Variants in KAZN observed in about 807,000 individuals in gnomAD.
KAZN encodes the protein kazrin.
A neutral mutation model predicts 87.4 loss-of-function variants in KAZN; 40 were observed. The ratio of observed to expected loss-of-function variants is 0.46; its 90% CI spans 0.36 to 0.60. The LOEUF (loss-of-function observed/expected upper bound fraction) is 0.60. KAZN is among the 20% of genes least tolerant of loss of function. The pLI, the probability that KAZN is intolerant of heterozygous loss-of-function variation, is 0.00. For missense variants in KAZN, 898 were observed against 1,073.9 expected (o/e 0.84, Z 2.29); for synonymous variants, 466 against 458.3 (o/e 1.02, Z -0.22).
At chr1:14,351,603 G>T (rs1053177018) in intron 2 of KAZN, among the ~76,000 whole-genome samples, 1 of 152,048 alleles carries the variant, frequency 6.6e-6, no homozygotes, top group Non-Finnish European at 1.5e-5. Context: ...CCAAAGACTT[G>T]GTCATTATAA....
chr1:14,620,721 A>G (rs1322077682), intron 1 of KAZN, among the ~76,000 whole-genome samples: 3 of 152,220 alleles, frequency 2.0e-5, no homozygotes, highest in Non-Finnish European at 4.4e-5. Context: ...GAGCCCTGCC[A>G]CTACTATAAT....
intron 1 of KAZN, among the ~76,000 whole-genome samples, chr1:14,074,997 C>T (rs1260165894): frequency 1.3e-5 from 2 of 152,062 alleles, no homozygotes; most frequent in Non-Finnish European, 2.9e-5. Context: ...AGAGGAAATA[C>T]TTTTAGATCT....
chr1:14,763,428 G>T (rs1468869095), intron 1 of KAZN, among the ~76,000 whole-genome samples: 2 of 152,204 alleles, frequency 1.3e-5, no homozygotes, highest in African/African-American at 4.8e-5. Context: ...TGAGGATAAA[G>T]CGAGCACCTA....
chr1:14,698,412 G>A (rs998305102), intron 1 of KAZN, among the ~76,000 whole-genome samples: 3 of 152,188 alleles, frequency 2.0e-5, no homozygotes, highest in Non-Finnish European at 4.4e-5. Flanking sequence ...TCTGGCCCTC[G>A]GCCGTGAGCC....
At chr1:14,008,455 T>C (rs988329462) in intron 1 of KAZN, among the ~76,000 whole-genome samples, 1 of 152,220 alleles carries the variant, frequency 6.6e-6, no homozygotes, top group Non-Finnish European at 1.5e-5. Flanking sequence ...ACATGGATTA[T>C]CTGTTCATTT....
chr1:14,084,163 C>T (rs570362851), intron 1 of KAZN, among the ~76,000 whole-genome samples: 17 of 152,170 alleles, frequency 1.1e-4, no homozygotes, highest in South Asian at 2.1e-4. Context: ...TGGAGAGAAG[C>T]GGGAAGGTCT....
At chr1:14,855,170 C>A (rs1248283686) in intron 1 of KAZN, among the ~76,000 whole-genome samples, 1 of 152,190 alleles carries the variant, frequency 6.6e-6, no homozygotes, top group Non-Finnish European at 1.5e-5. Flanking sequence ...CCGTTTCCAA[C>A]CTGCTAAACT....
intron 2 of KAZN, among the ~76,000 whole-genome samples, chr1:14,247,973 C>T (rs960727945): frequency 1.1e-4 from 16 of 152,134 alleles, no homozygotes; most frequent in East Asian, 1.9e-4. Flanking sequence ...CCTAATTAGG[C>T]GTGAACTCTA....
Position 14,123,284 on chromosome 1 carries a change from C to A in KAZN, c.92-57151C>A, listed in dbSNP as rs183901041. ...ACTTTTTTTTTAAGCTGCATTCATG[C>A]TGTGTTGAGGTCACAGATTTTAACC... On this transcript the variant is annotated intron_variant, in intron 1 of 16. Coordinates refer to the KAZN transcript ENST00000636203. Among the ~76,000 whole-genome samples the A allele has an allele frequency of 2.6e-5, 4 of 152,244 alleles. No individual in the cohort carries two copies. In the East Asian group the frequency reaches 7.7e-4, roughly 29 times the overall value.
intron 10 of KAZN, among the ~76,000 whole-genome samples, chr1:15,098,654 G>A (rs984878717): frequency 6.6e-6 from 1 of 152,246 alleles, no homozygotes; most frequent in Non-Finnish European, 1.5e-5. Flanking sequence ...GAACCGTCCT[G>A]TAACAAGGCT....
intron 2 of KAZN, among the ~76,000 whole-genome samples, chr1:14,532,702 G>A (rs996443486): frequency 1.4e-5 from 2 of 140,738 alleles, no homozygotes; most frequent in African/African-American, 5.4e-5. Flanking sequence ...TCCTACCTAT[G>A]AGTGAGAACA....
chr1:14,575,450 T>C (rs1269290693), intron 2 of KAZN, among the ~76,000 whole-genome samples: 1 of 152,126 alleles, frequency 6.6e-6, no homozygotes, highest in African/African-American at 2.4e-5. Context: ...ACTTATTCAC[T>C]ACCATGAGAA....
At chr1:14,532,740 G>C (rs540030456) in intron 2 of KAZN, among the ~76,000 whole-genome samples, 2 of 150,262 alleles carry the variant, frequency 1.3e-5, no homozygotes, top group African/African-American at 4.9e-5. Flanking sequence ...TTGTCCTTGT[G>C]ATAGTTTGCT....
intron 2 of KAZN, among the ~76,000 whole-genome samples, chr1:14,311,045 C>T (rs1258772224): frequency 6.6e-6 from 1 of 152,194 alleles, no homozygotes; most frequent in Non-Finnish European, 1.5e-5. Context: ...CATTCTGTCA[C>T]TCAGTAAATA....
intron 1 of KAZN, among the ~76,000 whole-genome samples, chr1:14,772,903 G>T (rs895117146): frequency 3.9e-5 from 6 of 152,018 alleles, no homozygotes; most frequent in African/African-American, 1.5e-4. Context: ...CACCACATTG[G>T]CCTTCTGTGT....
chr1:13,967,574 C>T (rs1004684239), intron 1 of KAZN, among the ~76,000 whole-genome samples: 2 of 152,218 alleles, frequency 1.3e-5, no homozygotes, highest in African/African-American at 4.8e-5. Context: ...GACCACTGCA[C>T]TTCACTCCCC....
intron 1 of KAZN, among the ~76,000 whole-genome samples, chr1:14,731,102 T>C (rs1440466163): frequency 6.6e-6 from 1 of 152,182 alleles, no homozygotes; most frequent in Admixed American, 6.5e-5. Flanking sequence ...TAAAACAAAA[T>C]GGGGCTCTGG....
In KAZN at chr1:14,425,766, A is replaced by T. The variant is rs527548003; in HGVS notation, c.250-173217A>T. On this transcript the variant is annotated intron_variant, in intron 2 of 16. Coordinates refer to the KAZN transcript ENST00000636203. The stretch of plus-strand genomic sequence containing the variant: ...TCCCAGTGGCCCTGGTGAGGGGGAC[A>T]TTATTTGTCCCATTTTATAGGTAAG... Among the ~76,000 whole-genome samples, 7 of 152,256 alleles carry T rather than the reference A, an allele frequency of 4.6e-5. No homozygotes were observed. In the South Asian group the frequency reaches 1.4e-3, roughly 32 times the overall value.
chr1:14,866,701 T>G (rs1203327121), intron 1 of KAZN, among the ~76,000 whole-genome samples: 2 of 152,198 alleles, frequency 1.3e-5, no homozygotes, highest in East Asian at 1.9e-4. Flanking sequence ...CACTCCAGCC[T>G]GGGTGACAGA....
Sources: allele counts gnomAD v4.1 joint callset (sites outside exome capture counted in the v4.1 genomes callset), GRCh38; gene constraint gnomAD v4.1.1; transcripts MANE v1.5; gene names NCBI Gene and HGNC (gene_info 2026-07-23, HGNC 2026-07-21).